Variants in CHIC1 observed in about 807,000 individuals in gnomAD.
CHIC1 encodes the protein cysteine-rich hydrophobic domain-containing protein 1.
CHIC1 carries 7 observed loss-of-function variants against 18.5 expected under a neutral mutation model. The observed-to-expected ratio is 0.38, with a 90% confidence interval of 0.22 to 0.71. CHIC1 has a LOEUF of 0.71. CHIC1 is among the 30% of genes least tolerant of loss of function. The pLI is 0.49. For synonymous variants in CHIC1, 77 were observed against 73.5 expected (o/e 1.05, Z -0.25); for missense variants, 159 against 176.9 (o/e 0.90, Z 0.57).
In CHIC1 at chrX:73,685,144, C is replaced by G. The variant is rs766483536; in HGVS notation, c.*4139C>G. 2 of 111,706 alleles carry G rather than the reference C, an allele frequency of 1.8e-5. No homozygotes were observed. Among genetic ancestry groups the G allele is most frequent in the Non-Finnish European group, 3.8e-5 (2 of 52,941 alleles). 9.2% of individuals were successfully genotyped at this position (111,706 alleles called of 1,213,427 possible). A position where few individuals can be genotyped will look rare whatever the true frequency, so the allele number is the denominator to read the frequency against. On this transcript the variant is annotated 3_prime_UTR_variant, in exon 6 of 6. Transcript: ENST00000373502. ...AATCTCAGAATGATTATTCTCAGAT[C>G]TACTGTCCTTGGTGGAAACTCTCAC...
intron 3 of CHIC1, among the ~76,000 whole-genome samples, chrX:73,678,651 T>C (rs186368846): frequency 1.1e-4 from 12 of 112,599 alleles, no homozygotes; most frequent in African/African-American, 2.6e-4. Context: ...AAAGCTTTTT[T>C]AACATTATGT....
chrX:73,644,572 G>A (rs1018794352), intron 3 of CHIC1, among the ~76,000 whole-genome samples: 9 of 112,587 alleles, frequency 8.0e-5, no homozygotes, highest in African/African-American at 2.9e-4. Flanking sequence ...ACCTAATCAA[G>A]CCTGGGCAAT....
At chrX:73,631,014 G>A (rs1200742524) in intron 3 of CHIC1, among the ~76,000 whole-genome samples, 1 of 111,114 alleles carries the variant, frequency 9.0e-6, no homozygotes, top group Non-Finnish European at 1.9e-5. Context: ...ATTTATTCTA[G>A]GCTATCCAGT....
intron 1 of CHIC1, among the ~76,000 whole-genome samples, chrX:73,567,099 G>T (rs963512038): frequency 7.3e-5 from 8 of 110,227 alleles, no homozygotes; most frequent in African/African-American, 2.6e-4. Flanking sequence ...CTTCCTTCTT[G>T]ACCCTTAAAT....
chrX:73,636,516 T>TA (rs984836926), intron 3 of CHIC1, among the ~76,000 whole-genome samples: 4 of 111,783 alleles, frequency 3.6e-5, no homozygotes, highest in African/African-American at 9.8e-5. Flanking sequence ...AATGTACATT[T>TA]AAAAAAATAT....
intron 2 of CHIC1, among the ~76,000 whole-genome samples, chrX:73,581,197 TC>T (rs1336645599): frequency 1.8e-5 from 2 of 110,608 alleles, no homozygotes; most frequent in Non-Finnish European, 3.8e-5. Flanking sequence ...AGGGTTGTGT[TC>T]CCCATGACTG....
chrX:73,602,514 G>A (rs1372034325), intron 3 of CHIC1, among the ~76,000 whole-genome samples: 1 of 108,770 alleles, frequency 9.2e-6, no homozygotes, highest in Non-Finnish European at 1.9e-5. Context: ...AAGCTCTTTA[G>A]TTTAATTAGA....
At chrX:73,675,041 A>G (rs1428719138) in intron 3 of CHIC1, among the ~76,000 whole-genome samples, 6 of 111,448 alleles carry the variant, frequency 5.4e-5, no homozygotes, top group South Asian at 3.8e-4. Flanking sequence ...GTAGTTGAGC[A>G]GTTTTGAGTG....
chrX:73,654,419 A>G (rs66485620), intron 3 of CHIC1, among the ~76,000 whole-genome samples: 5,363 of 111,640 alleles, frequency 0.048, 324 homozygotes, highest in African/African-American at 0.16. Flanking sequence ...TTAATGTGTT[A>G]CTAGATATTC....
chrX:73,636,425 C>G (rs2057831346), intron 3 of CHIC1, among the ~76,000 whole-genome samples: 1 of 111,223 alleles, frequency 9.0e-6, no homozygotes, highest in Non-Finnish European at 1.9e-5. Context: ...GCTGGAACTA[C>G]AGGTACCCAC....
intron 3 of CHIC1, among the ~76,000 whole-genome samples, chrX:73,661,170 G>A (rs1000711667): frequency 3.6e-5 from 4 of 112,059 alleles, no homozygotes; most frequent in Non-Finnish European, 7.5e-5. Flanking sequence ...TTTAATTTTT[G>A]TGGGCCGCCC....
intron 3 of CHIC1, among the ~76,000 whole-genome samples, chrX:73,585,272 G>A (rs2057547463): frequency 9.0e-6 from 1 of 111,490 alleles, no homozygotes; most frequent in Admixed American, 9.6e-5. Context: ...AATTAGTGGT[G>A]CAGTTATTTT....
At chrX:73,575,691 TGTGA>T (rs200895203) in intron 1 of CHIC1, among the ~76,000 whole-genome samples, 31 of 109,797 alleles carry the variant, frequency 2.8e-4, no homozygotes, top group African/African-American at 4.0e-4. Flanking sequence ...AGTTGCTCTG[TGTGA>T]GTGAGTGAGT....
At chrX:73,583,644 A>G (rs1332162622) in intron 2 of CHIC1, among the ~76,000 whole-genome samples, 3 of 111,561 alleles carry the variant, frequency 2.7e-5, no homozygotes, top group African/African-American at 9.7e-5. Context: ...TATAACATTC[A>G]AGCAGAATTT....
At chrX:73,622,667 T>G (rs1265156405) in intron 3 of CHIC1, among the ~76,000 whole-genome samples, 1 of 112,036 alleles carries the variant, frequency 8.9e-6, no homozygotes. Context: ...TTTGAAGGGT[T>G]TTTTGTGTTT....
At chrX:73,639,973 A>G in intron 3 of CHIC1, among the ~76,000 whole-genome samples, 1 of 111,832 alleles carries the variant, frequency 8.9e-6, no homozygotes. Context: ...TGTCATCTGC[A>G]AACTGATAGT....
chrX:73,677,941 A>G (rs1182651367), intron 3 of CHIC1, among the ~76,000 whole-genome samples: 1 of 107,059 alleles, frequency 9.3e-6, no homozygotes, highest in African/African-American at 3.4e-5. Context: ...CATAAATTTA[A>G]TTTTCTTTGG....
intron 3 of CHIC1, among the ~76,000 whole-genome samples, chrX:73,610,170 A>G (rs2057701005): frequency 9.2e-6 from 1 of 109,264 alleles, no homozygotes. Context: ...TAATGTAACA[A>G]AATGGCCTCC....
In CHIC1 at chrX:73,679,677, TA is replaced by T; in HGVS notation, c.590del (p.Lys197ArgfsTer9). ...HKLALHWKLT[K>X]RKCETSNMME... ...AGCTTGCTTTGCACTGGAAGTTGAC[TA>T]AGAGGAAATGTGAAACTAGCAATAT... is the stretch of plus-strand genomic sequence containing the variant. On this transcript the variant is annotated frameshift_variant, in exon 5 of 6. Transcript: ENST00000373502. LOFTEE classifies it high-confidence loss of function. 8.9e-7 allele frequency: 1 copy of T among 1,129,934 alleles called. No individual in the cohort carries two copies. Among genetic ancestry groups the T allele is most frequent in the Non-Finnish European group, 1.2e-6 (1 of 849,319 alleles). 93.1% of individuals were successfully genotyped at this position (1,129,934 alleles called of 1,213,427 possible).
Sources: gnomAD v4.1 joint callset for allele counts (sites outside exome capture counted in the v4.1 genomes callset) on GRCh38, gnomAD v4.1.1 for gene constraint, MANE v1.5 for transcripts, NCBI Gene and HGNC (gene_info 2026-07-23, HGNC 2026-07-21) for gene names.